The following CD1D variants were observed in gnomAD, a reference collection of about 807,000 sequenced individuals.
CD1D encodes the protein CD1d molecule.
Under a neutral mutation model 42.1 loss-of-function variants are expected in CD1D, and 40 were observed. That is an observed-to-expected ratio of 0.95 (90% confidence interval 0.74 to 1.24). The LOEUF (loss-of-function observed/expected upper bound fraction) is 1.24. Among genes scored for constraint, CD1D ranks in the 50% most tolerant of loss-of-function variants. The probability of loss-of-function intolerance (pLI) is 0.00; values close to 1 mark genes in which losing one functional copy is unlikely to be tolerated. For missense variants in CD1D, 437 were observed against 416.5 expected, an observed-to-expected ratio of 1.05 and a Z score of -0.43; for synonymous variants, 178 against 171.8, an observed-to-expected ratio of 1.04 and a Z score of -0.28.
rs1648359907 is a variant in CD1D, at chr1:158,180,914, G to A, written c.-188G>A. On this transcript the variant is annotated 5_prime_UTR_variant, in exon 1 of 6. Transcript: ENST00000674085. ...CTCTTTGCAGCTCGCACAGCTAAGG[G>A]CGAGGGCGCCCTTCGGCAGAAGCAG... 2 of 499,886 alleles carry A rather than the reference G, an allele frequency of 4.0e-6. No individual in the cohort carries two copies. Among genetic ancestry groups the A allele is most frequent in the Admixed American group, 3.6e-5 (1 of 28,162 alleles). The allele number at this position is 499,886 out of a possible 1,614,324, so 31.0% of individuals were successfully genotyped here.
upstream of CD1D, among the ~76,000 whole-genome samples, chr1:158,179,175 A>C (rs760697073): frequency 7.9e-5 from 12 of 152,142 alleles, no homozygotes; most frequent in Admixed American, 2.0e-4. Context: ...CCCATGAGTC[A>C]TATAATTATT....
At position 158,184,858 on chromosome 1, in the gene CD1D, T is replaced by G. The variant is rs1235491627; in HGVS notation, c.*708T>G. ...TTATAAGAAACAGAGGCGTCTCACA[T>G]TTTTACTTGGTGTAATTAATAAACG... On this transcript the variant is annotated 3_prime_UTR_variant, in exon 6 of 6. Transcript: ENST00000674085. 6.6e-6 allele frequency: 1 copy of G among 152,254 alleles called. No individual in the cohort carries two copies. Among genetic ancestry groups the G allele is most frequent in the Non-Finnish European group, 1.5e-5 (1 of 68,064 alleles). 9.4% of individuals were successfully genotyped at this position (152,254 alleles called of 1,614,324 possible). A position where few individuals can be genotyped will look rare whatever the true frequency, so the allele number is the denominator to read the frequency against.
chr1:158,184,814 T>G lies in CD1D; in HGVS notation c.*664T>G, dbSNP rs1648638346. 6.6e-6 allele frequency: 1 copy of G among 152,286 alleles called. No homozygotes were observed. Among genetic ancestry groups the G allele is most frequent in the African/African-American group, 2.4e-5 (1 of 41,454 alleles). 9.4% of individuals were successfully genotyped at this position (152,286 alleles called of 1,614,324 possible). The stretch of plus-strand genomic sequence containing the variant: ...TTTACGACTGAAGAAGGACATTTTC[T>G]CTTTAAAAGAAAGTTAGGTTATAAG... On this transcript the variant is annotated 3_prime_UTR_variant, in exon 6 of 6. Coordinates refer to ENST00000674085, the MANE Select transcript of CD1D (RefSeq NM_001371762.2).
rs770703597 is a variant in CD1D, at chr1:158,183,086, G to A, written c.816G>A (p.Gly272=). Residue 272 remains glycine (G), a synonymous_variant, in exon 4 of 6, where the codon GGG becomes GGA. Transcript: ENST00000674085. ...YLRATLDVVA[G]EAAGLSCRVK... ...GAGCAACCCTGGATGTGGTGGCTGG[G>A]GAGGCAGCTGGCCTGTCCTGTCGGG... 1 of 1,614,136 alleles carries A rather than the reference G, an allele frequency of 6.2e-7. No homozygotes were observed. Among genetic ancestry groups the A allele is most frequent in the Non-Finnish European group, 8.5e-7 (1 of 1,179,984 alleles).
rs1181570854 is a variant in CD1D at position 158,181,150 on chromosome 1, G to A, written c.49G>A (p.Gly17Arg). 6.5e-7 allele frequency: 1 copy of A among 1,549,504 alleles called. No homozygotes were observed. The highest frequency in any genetic ancestry group is 1.2e-5 in the South Asian group (1 of 84,118). Reference protein sequence around the residue: ...LLLWALLQAWGSAEVPQRLFP... With the variant: ...LLLWALLQAWRSAEVPQRLFP... ...GCTCTGGGCGCTCCTCCAGGCTTGG[G>A]GAAGCGCTGAAGGTGGGTGGAACGA... The change falls in exon 1 of 6, where the codon GGA becomes AGA. Residue 17 changes from glycine (G) to arginine (R), a missense_variant. Physicochemically the swap from Gly to Arg is moderately radical, Grantham distance 125. Transcript: ENST00000674085.
chr1:158,181,958 A>G (rs1377069651), intron 2 of CD1D, 74 bp from the exon 3 acceptor site: 2 of 1,504,214 alleles, frequency 1.3e-6, no homozygotes, highest in South Asian at 2.7e-5. Context: ...TATAACCTGC[A>G]CATCAATTTC....
Position 158,184,131 on chromosome 1 carries a change from C to G in CD1D, c.989C>G (p.Ser330Cys). 1 of 1,614,124 alleles carries G rather than the reference C, an allele frequency of 6.2e-7. No individual in the cohort carries two copies. Among genetic ancestry groups the G allele is most frequent in the Non-Finnish European group, 8.5e-7 (1 of 1,180,020 alleles). ...GFTSRFKRQT[S>C]YQGVL Reference sequence around the variant, plus strand: ...TTTCCCTTTCTATTCTCTCACAGTTCCTATCAGGGCGTCCTGTGACTCGCC... The same window carrying G: ...TTTCCCTTTCTATTCTCTCACAGTTGCTATCAGGGCGTCCTGTGACTCGCC... Residue 330 changes from serine to cysteine, a missense_variant and splice_region_variant, in exon 6 of 6, where the codon TCC (serine) becomes TGC (cysteine). Coordinates refer to ENST00000674085, the MANE Select transcript of CD1D (RefSeq NM_001371762.2).
At chr1:158,179,140 A>G (rs1648281870), upstream of CD1D, among the ~76,000 whole-genome samples, 2 of 152,374 alleles carry the variant, frequency 1.3e-5, no homozygotes, top group South Asian at 2.1e-4. Context: ...TGGAAATTTG[A>G]AGAAAGTAAA....
chr1:158,181,733 G>A lies in CD1D; in HGVS notation c.328+12G>A. 1 of 1,605,234 alleles carries A rather than the reference G, an allele frequency of 6.2e-7. No individual in the cohort carries two copies. Among genetic ancestry groups the A allele is most frequent in the South Asian group, 1.1e-5 (1 of 91,074 alleles). On this transcript the variant is annotated intron_variant, in intron 2 of 5. Coordinates refer to ENST00000674085, the MANE Select transcript of CD1D (RefSeq NM_001371762.2). ...GCTACGCTTATCCTGTGAGCTGAGG[G>A]ATAGGATCCTGGGCCGGTACCCAAG... is the stretch of plus-strand genomic sequence containing the variant.
intron 3 of CD1D, 26 bp downstream of exon 3, chr1:158,182,336 C>A (rs1162387524): frequency 6.8e-6 from 11 of 1,612,406 alleles, no homozygotes. Context: ...TTACTCCCTG[C>A]ATTCCACTTC....
intron 5 of CD1D, 41 bp from the exon 6 acceptor site, chr1:158,184,088 C>A (rs776674373): frequency 6.2e-7 from 1 of 1,614,026 alleles, no homozygotes; most frequent in Middle Eastern, 1.6e-4. Context: ...TTCCTGGCTT[C>A]CCTTTTCCTT....
At chr1:158,178,339 C>A (rs150160860), upstream of CD1D, among the ~76,000 whole-genome samples, 1 of 152,226 alleles carries the variant, frequency 6.6e-6, no homozygotes, top group East Asian at 1.9e-4. Flanking sequence ...AAGAAGAGTT[C>A]TTTAGTTCGT....
chr1:158,182,629 C>G (rs1326621096), intron 3 of CD1D, among the ~76,000 whole-genome samples: 1 of 152,092 alleles, frequency 6.6e-6, no homozygotes, highest in African/African-American at 2.4e-5. Context: ...TATAGGGGAA[C>G]AGACAAGGGG....
chr1:158,182,082 G>A lies in CD1D; in HGVS notation c.379G>A (p.Ala127Thr). The change falls in exon 3 of 6, where the codon GCC becomes ACC. Residue 127 changes from alanine (A) to threonine (T), a missense_variant. Physicochemically the swap from Ala to Thr is moderately conservative, Grantham distance 58. Transcript: ENST00000674085. ...TGGCTGTGAGGTGCACCCTGGGAAC[G>A]CCTCAAATAACTTCTTCCATGTAGC... is the stretch of plus-strand genomic sequence containing the variant. ...SAGCEVHPGN[A>T]SNNFFHVAFQ... The A allele has an allele frequency of 2.5e-6, 4 of 1,613,846 alleles. No homozygotes were observed. Among genetic ancestry groups the A allele is most frequent in the Non-Finnish European group, 3.4e-6 (4 of 1,179,834 alleles).
intron 3 of CD1D, 131 bp downstream of exon 3, chr1:158,182,441 GTATT>G (rs1558044576): frequency 2.0e-6 from 2 of 987,870 alleles, no homozygotes; most frequent in South Asian, 2.8e-5. Flanking sequence ...AGGGGTGAGG[GTATT>G]TATTCATTTC....
At position 158,182,923 on chromosome 1, in the gene CD1D, G is replaced by A. The variant is rs147417067; in HGVS notation, c.653G>A (p.Gly218Asp). 1.2e-4 allele frequency: 187 copies of A among 1,613,582 alleles called. No individual in the cohort carries two copies. Among genetic ancestry groups the A allele is most frequent in the Non-Finnish European group, 1.4e-4 (166 of 1,179,720 alleles). Residue 218 changes from glycine (G) to aspartate (D), a missense_variant, in exon 4 of 6, where the codon GGC (glycine) becomes GAC (aspartate). By Grantham distance (94) the Gly-to-Asp change is moderately conservative. Coordinates refer to ENST00000674085, the MANE Select transcript of CD1D (RefSeq NM_001371762.2). ...WLSRGPSPGP[G>D]RLLLVCHVSG... is the part of the protein sequence containing the mutation. ...TCCCGTGGCCCCAGTCCTGGCCCTGGCCGTCTGCTGCTGGTGTGCCATGTC... is the reference window on the plus strand; with the variant it reads ...TCCCGTGGCCCCAGTCCTGGCCCTGACCGTCTGCTGCTGGTGTGCCATGTC...
chr1:158,181,808 A>G (rs1012677064), intron 2 of CD1D, 87 bp downstream of exon 2: 3 of 1,519,844 alleles, frequency 2.0e-6, no homozygotes, highest in Non-Finnish European at 2.7e-6. Context: ...GCACCACCTG[A>G]TGAGATTCTC....
Position 158,185,649 on chromosome 1 carries a change from A to AG in CD1D, c.*1499_*1500insG, listed in dbSNP as rs1410224949. Among the ~76,000 whole-genome samples, 1 of 152,144 alleles carries AG rather than the reference A, an allele frequency of 6.6e-6. No individual in the cohort carries two copies. The highest frequency in any genetic ancestry group is 1.5e-5 in the Non-Finnish European group (1 of 68,018). On this transcript the variant is annotated 3_prime_UTR_variant, in exon 6 of 6. Transcript: ENST00000674085. Reference sequence around the variant, plus strand: ...GGTTAGTGTGAGCTGTGATTGTGTCACTACAGTGTAAGGATGACAGAGGGA... The same window carrying AG: ...GGTTAGTGTGAGCTGTGATTGTGTCAGCTACAGTGTAAGGATGACAGAGGGA...
chr1:158,178,064 G>C (rs1423436919), upstream of CD1D, among the ~76,000 whole-genome samples: 1 of 152,202 alleles, frequency 6.6e-6, no homozygotes, highest in East Asian at 1.9e-4. Flanking sequence ...CTGGACGTCC[G>C]AGAGGTAAGA....
Sources: gnomAD v4.1 joint callset for allele counts (sites outside exome capture counted in the v4.1 genomes callset) on GRCh38, gnomAD v4.1.1 for gene constraint, MANE v1.5 for transcripts, NCBI Gene and HGNC (gene_info 2026-07-23, HGNC 2026-07-21) for gene names.